The following MAGI3 variants were observed in gnomAD, a reference collection of about 807,000 sequenced individuals.
MAGI3 encodes the protein membrane associated guanylate kinase, WW and PDZ domain containing 3, also known as membrane-associated guanylate kinase, WW and PDZ domain-containing protein 3.
MAGI3 carries 43 observed loss-of-function variants against 121.8 expected under a neutral mutation model. The ratio of observed to expected loss-of-function variants is 0.35; its 90% confidence interval spans 0.28 to 0.46. MAGI3 has a LOEUF of 0.46. Ranked by LOEUF, MAGI3 falls within the 20% of genes least tolerant of loss-of-function variation. MAGI3 has a pLI of 1.00. For missense variants in MAGI3, 1,547 were observed against 1,797.3 expected (o/e 0.86, Z 2.52); for synonymous variants, 553 against 639.3 (o/e 0.86, Z 2.04).
chr1:113,627,585 C>T (rs1034391754), intron 9 of MAGI3, among the ~76,000 whole-genome samples: 1 of 147,698 alleles, frequency 6.8e-6, no homozygotes, highest in South Asian at 2.1e-4. Context: ...TAATATATAT[C>T]ATATATTATA....
At chr1:113,638,467 A>C (rs1423955338) in intron 9 of MAGI3, among the ~76,000 whole-genome samples, 1 of 152,216 alleles carries the variant, frequency 6.6e-6, no homozygotes, top group Non-Finnish European at 1.5e-5. Context: ...CCTCAGCTGC[A>C]AGTCTGTTGG....
intron 2 of MAGI3, among the ~76,000 whole-genome samples, chr1:113,561,332 G>A (rs1461480779): frequency 6.6e-6 from 1 of 152,130 alleles, no homozygotes; most frequent in Admixed American, 6.5e-5. Flanking sequence ...CTTCAGGCCA[G>A]TATCCCTAAT....
At chr1:113,399,567 G>A (rs1405108354) in intron 1 of MAGI3, among the ~76,000 whole-genome samples, 1 of 151,740 alleles carries the variant, frequency 6.6e-6, no homozygotes, top group East Asian at 1.9e-4. Flanking sequence ...TGATTTCTAG[G>A]CACTGCTTTT....
Position 113,586,891 on chromosome 1 carries a change from A to C in MAGI3, c.763+1295A>C, listed in dbSNP as rs550808192. 3.9e-5 allele frequency among the ~76,000 whole-genome samples: 6 copies of C among 152,286 alleles called. No homozygotes were observed. The South Asian group carries it at 1.2e-3, about 32-fold the overall frequency. ...TTGTAATCTCTATAGTTGATGCTTCATGTAAGTCACTTGTTAAACTGATGT... is the reference window on the plus strand; with the variant it reads ...TTGTAATCTCTATAGTTGATGCTTCCTGTAAGTCACTTGTTAAACTGATGT... On this transcript the variant is annotated intron_variant, in intron 4 of 20. Transcript: ENST00000307546.
chr1:113,615,662 TAAAATTA>T (rs1650416368), intron 7 of MAGI3, among the ~76,000 whole-genome samples: 2 of 152,174 alleles, frequency 1.3e-5, no homozygotes, highest in South Asian at 4.1e-4. Context: ...AATGACTTCT[TAAAATTA>T]AATGTGTCTC....
rs759337248 is a variant in MAGI3 at position 113,673,381 on chromosome 1, C to A, written c.3105C>A (p.Leu1035=). ...ERGPRGFGFS[L]RGGKEYNMGL... ...GCCCCCGGGGCTTTGGATTCAGCCT[C>A]CGAGGGGGGAAGGAGTACAACATGG... Residue 1035 remains leucine (L), a synonymous_variant, in exon 19 of 21, where the codon CTC becomes CTA. Coordinates refer to ENST00000307546, the MANE Select transcript of MAGI3 (RefSeq NM_001142782.2). The A allele has an allele frequency of 6.2e-7, 1 of 1,612,330 alleles. No homozygotes were observed. The highest frequency in any genetic ancestry group is 2.2e-5 in the East Asian group (1 of 44,852).
At chr1:113,611,908 G>A (rs1650164414) in intron 6 of MAGI3, among the ~76,000 whole-genome samples, 3 of 149,906 alleles carry the variant, frequency 2.0e-5, no homozygotes, top group Admixed American at 2.0e-4. Flanking sequence ...TAATCTATCT[G>A]GAATCATCTC....
At chr1:113,632,094 A>T (rs752043925) in intron 9 of MAGI3, among the ~76,000 whole-genome samples, 4 of 152,178 alleles carry the variant, frequency 2.6e-5, no homozygotes, top group Non-Finnish European at 5.9e-5. Flanking sequence ...GTATTTTTTG[A>T]TCTCTCATAT....
chr1:113,533,631 A>T (rs1208789673), intron 1 of MAGI3, among the ~76,000 whole-genome samples: 1 of 152,182 alleles, frequency 6.6e-6, no homozygotes, highest in South Asian at 2.1e-4. Context: ...AAATTTAGCT[A>T]TATATCTATT....
intron 2 of MAGI3, among the ~76,000 whole-genome samples, chr1:113,564,596 A>G (rs539125677): frequency 6.6e-6 from 1 of 152,224 alleles, no homozygotes; most frequent in Non-Finnish European, 1.5e-5. Context: ...TTGGTTGGGC[A>G]TGTTGGCTCA....
intron 1 of MAGI3, among the ~76,000 whole-genome samples, chr1:113,532,999 T>C (rs981600886): frequency 1.3e-5 from 2 of 152,150 alleles, no homozygotes; most frequent in Non-Finnish European, 2.9e-5. Flanking sequence ...AATAAGGTGG[T>C]GTGTGGATTG....
At chr1:113,648,997 T>G (rs1393889262) in intron 12 of MAGI3, among the ~76,000 whole-genome samples, 1 of 152,200 alleles carries the variant, frequency 6.6e-6, no homozygotes, top group Non-Finnish European at 1.5e-5. Context: ...ACTGAGTATA[T>G]GGAAGTGAGA....
At chr1:113,577,590 T>G (rs765004250) in intron 2 of MAGI3, among the ~76,000 whole-genome samples, 9 of 152,114 alleles carry the variant, frequency 5.9e-5, no homozygotes, top group Non-Finnish European at 8.8e-5. Flanking sequence ...TAACTTTATG[T>G]GTATTGGGTT....
chr1:113,391,187 C>T lies in MAGI3; in HGVS notation c.154C>T (p.Pro52Ser). The T allele has an allele frequency of 6.4e-7, 1 of 1,551,712 alleles. No homozygotes were observed. ...FPYLGRLREE[P>S]GGGTCCVVSG... The stretch of plus-strand genomic sequence containing the variant: ...CTACCTGGGGCGGCTCCGCGAGGAG[C>T]CCGGCGGGGGCACCTGCTGCGTCGT... Residue 52 changes from proline (P) to serine (S), a missense_variant, in exon 1 of 21, where the codon CCC (proline) becomes TCC (serine). Pro to Ser is a moderately conservative substitution (Grantham distance 74). Transcript: ENST00000307546. The surrounding 1 kb of genome is among the most constrained non-coding windows in gnomAD (Gnocchi z 4.4).
At chr1:113,551,710 A>G (rs1203762966) in intron 2 of MAGI3, among the ~76,000 whole-genome samples, 2 of 152,158 alleles carry the variant, frequency 1.3e-5, no homozygotes, top group African/African-American at 4.8e-5. Flanking sequence ...GATGTGATCA[A>G]TATCTTTAGC....
Position 113,673,421 on chromosome 1 carries a change from C to T in MAGI3, c.3145C>T (p.Arg1049Cys). The change falls in exon 19 of 21, where the codon CGT becomes TGT. Residue 1049 changes from arginine (R) to cysteine (C), a missense_variant. Physicochemically the swap from Arg to Cys is radical, Grantham distance 180 (BLOSUM62 -3). Coordinates refer to ENST00000307546, the MANE Select transcript of MAGI3 (RefSeq NM_001142782.2). The part of the protein sequence containing the change: ...KEYNMGLFIL[R>C]LAEDGPAIKD... ...GTACAACATGGGGCTGTTCATCCTT[C>T]GTCTTGCTGAAGATGGTCCTGCCAT... The T allele has an allele frequency of 1.9e-6, 3 of 1,613,030 alleles. No homozygotes were observed. Among genetic ancestry groups the T allele is most frequent in the Non-Finnish European group, 2.5e-6 (3 of 1,179,954 alleles).
rs115953359 is a variant in MAGI3, at chr1:113,671,758, C to T, written c.2840C>T (p.Thr947Ile). The change falls in exon 17 of 21, where the codon ACA becomes ATA. Residue 947 changes from threonine to isoleucine, a missense_variant. Coordinates refer to ENST00000307546, the MANE Select transcript of MAGI3 (RefSeq NM_001142782.2). ...EEEHHGPPSGTNSARQSPALQ... is the reference protein window; with the variant it reads ...EEEHHGPPSGINSARQSPALQ... ...GAGCATCATGGTCCACCATCAGGAA[C>T]AAACTCAGCCAGGCAAAGCCCAGCC... The T allele has an allele frequency of 1.9e-4, 301 of 1,614,252 alleles. 1 individual carries two copies. Among genetic ancestry groups the T allele is most frequent in the Non-Finnish European group, 1.1e-4 (131 of 1,180,038 alleles).
At chr1:113,672,046 TC>T (rs1471528643) in intron 17 of MAGI3, among the ~76,000 whole-genome samples, 1 of 152,116 alleles carries the variant, frequency 6.6e-6, no homozygotes, top group Non-Finnish European at 1.5e-5. Flanking sequence ...CCAGCCTCCA[TC>T]CCAGGCACAG....
At chr1:113,612,544 G>A (rs1037973738) in intron 6 of MAGI3, among the ~76,000 whole-genome samples, 3 of 152,086 alleles carry the variant, frequency 2.0e-5, no homozygotes, top group Non-Finnish European at 4.4e-5. Flanking sequence ...TTTTAGTCTT[G>A]ATTTTTATTA....
Sources: gnomAD v4.1 joint callset for allele counts (sites outside exome capture counted in the v4.1 genomes callset) on GRCh38, gnomAD v4.1.1 for gene constraint, Gnocchi (gnomAD v3.1) non-coding constraint, MANE v1.5 for transcripts, NCBI Gene and HGNC (gene_info 2026-07-23, HGNC 2026-07-21) for gene names.